ESR2: variants seen among roughly 807,000 people sequenced by gnomAD.
The protein encoded by ESR2 is estrogen receptor beta.
A neutral mutation model predicts 49.6 loss-of-function variants in ESR2; 36 were observed. The observed-to-expected ratio is 0.73, with a 90% CI of 0.56 to 0.96. ESR2 has a LOEUF of 0.96. Ranked by LOEUF, ESR2 falls within the 40% of genes least tolerant of loss-of-function variation. ESR2 has a pLI of 0.00. For synonymous variants in ESR2, 320 were observed against 266.1 expected (o/e 1.20, Z -1.97); for missense variants, 714 against 693.0 (o/e 1.03, Z -0.34).
chr14:64,267,165 C>G (rs1178281806), intron 4 of ESR2, among the ~76,000 whole-genome samples: 1 of 152,194 alleles, frequency 6.6e-6, no homozygotes, highest in Non-Finnish European at 1.5e-5. Context: ...AGGCGTGAGC[C>G]ACCGCACCCG....
chr14:64,238,363 G>T (rs1345594499), intron 7 of ESR2, among the ~76,000 whole-genome samples: 1 of 152,144 alleles, frequency 6.6e-6, no homozygotes, highest in Admixed American at 6.5e-5. Flanking sequence ...GGGTAGGGGG[G>T]CAGTGTATAT....
chr14:64,315,659 A>ATT (rs1033415277), intron 1 of ESR2, among the ~76,000 whole-genome samples: 56 of 77,296 alleles, frequency 7.2e-4, no homozygotes, highest in African/African-American at 2.5e-3. Context: ...TATTTTTTGT[A>ATT]TTTTTTTTTT....
intron 1 of ESR2, among the ~76,000 whole-genome samples, chr14:64,305,305 A>T (rs954239504): frequency 5.3e-5 from 8 of 150,200 alleles, no homozygotes; most frequent in Non-Finnish European, 7.4e-5. Context: ...AAAAAAAAAA[A>T]AAATTAATTA....
In ESR2 at chr14:64,268,921, AGTGGGAGG is replaced by A; in HGVS notation, c.536-18_536-11del. ...ATATAATCATTATGTCCTATAGCAGAGTGGGAGGGAAAAAAAGATTATTGCTATGATCT... is the reference window on the plus strand; with the variant it reads ...ATATAATCATTATGTCCTATAGCAGAGAAAAAAAGATTATTGCTATGATCT... On this transcript the variant is annotated splice_polypyrimidine_tract_variant and intron_variant, in intron 3 of 8. Transcript: ENST00000341099. 6.9e-7 allele frequency: 1 copy of A among 1,456,632 alleles called. No homozygotes were observed. Among genetic ancestry groups the A allele is most frequent in the Admixed American group, 1.7e-5 (1 of 58,152 alleles). The allele number at this position is 1,456,632 out of a possible 1,614,324, so 90.2% of individuals were successfully genotyped here. A position where few individuals can be genotyped will look rare whatever the true frequency, so the allele number is the denominator to read the frequency against.
intron 1 of ESR2, among the ~76,000 whole-genome samples, chr14:64,315,283 C>T (rs984071203): frequency 6.8e-6 from 1 of 147,016 alleles, no homozygotes; most frequent in South Asian, 2.2e-4. Context: ...AGAGAGAAGA[C>T]GCTAGTTACC....
Position 64,233,327 on chromosome 14 carries a change from TG to T in ESR2, c.1407-5del. Reference sequence around the variant, plus strand: ...CAGATGTTCCATGCCCTTGTTACTATGGGGACAAAAAGGTGCTGAGATTCCC... The same window carrying T: ...CAGATGTTCCATGCCCTTGTTACTATGGGACAAAAAGGTGCTGAGATTCCC... On this transcript the variant is annotated splice_region_variant and splice_polypyrimidine_tract_variant and intron_variant, in intron 8 of 8. Transcript: ENST00000341099. The T allele has an allele frequency of 4.4e-6, 7 of 1,606,628 alleles. No homozygotes were observed. The highest frequency in any genetic ancestry group is 6.0e-6 in the Non-Finnish European group (7 of 1,173,818).
chr14:64,296,987 C>A (rs1462426542), upstream of ESR2, among the ~76,000 whole-genome samples: 1 of 152,108 alleles, frequency 6.6e-6, no homozygotes, highest in Non-Finnish European at 1.5e-5. Flanking sequence ...AGGGATTATT[C>A]TTGAGGCAGT....
At position 64,228,792 on chromosome 14, in the gene ESR2, AAAACAAAC is replaced by A. The variant is rs527449534; in HGVS notation, c.*4337_*4344del. Among the ~76,000 whole-genome samples the A allele has an allele frequency of 2.0e-5, 3 of 152,192 alleles. No individual in the cohort carries two copies. The highest frequency in any genetic ancestry group is 4.2e-4 in the South Asian group (2 of 4,816). On this transcript the variant is annotated 3_prime_UTR_variant, in exon 9 of 9. Transcript: ENST00000341099. Reference sequence around the variant, plus strand: ...AAGTGAATAGGATCCTCGGAATTAAAAAACAAACAAACAAACAAACAAAAAACCTCCCT... The same window carrying A: ...AAGTGAATAGGATCCTCGGAATTAAAAAACAAACAAACAAAAAACCTCCCT...
intron 1 of ESR2, among the ~76,000 whole-genome samples, chr14:64,300,596 C>T (rs896689337): frequency 6.6e-6 from 1 of 151,996 alleles, no homozygotes; most frequent in Admixed American, 6.6e-5. Flanking sequence ...CCCATCTCTA[C>T]AAAAAATACA....
chr14:64,246,750 A>AAAAAC (rs1255926726), intron 7 of ESR2, among the ~76,000 whole-genome samples: 2 of 144,364 alleles, frequency 1.4e-5, no homozygotes, highest in African/African-American at 5.4e-5. Flanking sequence ...AAAAAAAAAA[A>AAAAAC]AAAAAAAAAA....
At chr14:64,247,304 C>T (rs2075881601) in intron 7 of ESR2, among the ~76,000 whole-genome samples, 1 of 150,386 alleles carries the variant, frequency 6.6e-6, no homozygotes. Flanking sequence ...AACACTCCAG[C>T]CTGGTCAACA....
chr14:64,286,157 A>C (rs1363037264), intron 1 of ESR2, among the ~76,000 whole-genome samples: 1 of 152,198 alleles, frequency 6.6e-6, no homozygotes, highest in East Asian at 1.9e-4. Context: ...AAGTGGTACC[A>C]CTTCCAACCA....
At chr14:64,327,219 T>C (rs1195225844) in intron 1 of ESR2, among the ~76,000 whole-genome samples, 2 of 152,162 alleles carry the variant, frequency 1.3e-5, no homozygotes, top group East Asian at 1.9e-4. Context: ...TTCAAACAAT[T>C]TTCAAATGTC....
chr14:64,291,807 T>C (rs1458717872), intron 1 of ESR2, among the ~76,000 whole-genome samples: 1 of 152,196 alleles, frequency 6.6e-6, no homozygotes, highest in Non-Finnish European at 1.5e-5. Context: ...TGTCTTCAAT[T>C]TGTCATTTTC....
rs758361332 is a variant in ESR2 at position 64,230,723 on chromosome 14, G to A, written c.*2414C>T. On this transcript the variant is annotated 3_prime_UTR_variant, in exon 9 of 9. Coordinates refer to ENST00000341099, the MANE Select transcript of ESR2 (RefSeq NM_001437.3). Reference sequence around the variant, plus strand: ...GTGCTGTGAGAACAGAGCGAGATTCGGTGAGAATAGCTCAGCTGGAAACTC... The same window carrying A: ...GTGCTGTGAGAACAGAGCGAGATTCAGTGAGAATAGCTCAGCTGGAAACTC... Among the ~76,000 whole-genome samples, 1 of 151,646 alleles carries A rather than the reference G, an allele frequency of 6.6e-6. No homozygotes were observed. The highest frequency in any genetic ancestry group is 2.4e-5 in the African/African-American group (1 of 41,278).
intron 1 of ESR2, among the ~76,000 whole-genome samples, chr14:64,311,287 C>T (rs1050399244): frequency 2.6e-5 from 4 of 152,118 alleles, no homozygotes; most frequent in Admixed American, 6.6e-5. Context: ...GGCTTCTTGA[C>T]GTTTCAAAAC....
chr14:64,338,471 T>A (rs2077559474), upstream of ESR2: 1 of 154,572 alleles, frequency 6.5e-6, no homozygotes. Flanking sequence ...CAGTTCCACA[T>A]CTGCTGTAGA....
At chr14:64,266,895 G>A (rs1286165041) in intron 4 of ESR2, among the ~76,000 whole-genome samples, 4 of 151,650 alleles carry the variant, frequency 2.6e-5, no homozygotes, top group African/African-American at 7.3e-5. Context: ...TCCTCCCCCC[G>A]CCCCCAGACA....
intron 7 of ESR2, among the ~76,000 whole-genome samples, chr14:64,243,405 G>A (rs1373394554): frequency 2.0e-5 from 3 of 152,180 alleles, no homozygotes; most frequent in Non-Finnish European, 4.4e-5. Context: ...CATAAAGTGA[G>A]CACATGCTGT....
Sources: allele counts gnomAD v4.1 joint callset (sites outside exome capture counted in the v4.1 genomes callset), GRCh38; gene constraint gnomAD v4.1.1; transcripts MANE v1.5; gene names NCBI Gene and HGNC (gene_info 2026-07-23, HGNC 2026-07-21).